ADAMTSL3: variants seen among roughly 807,000 people sequenced by gnomAD.
ADAMTSL3 encodes the protein ADAMTS-like protein 3.
In ADAMTSL3, 128 loss-of-function variants were observed where a neutral mutation model predicts 201.7. The ratio of observed to expected loss-of-function variants is 0.63; its 90% CI spans 0.55 to 0.73. ADAMTSL3 has a LOEUF of 0.73. Among genes scored for constraint, ADAMTSL3 ranks in the 30% least tolerant of loss-of-function variants. The pLI, the probability that ADAMTSL3 is intolerant of heterozygous loss-of-function variation, is 0.00. For missense variants in ADAMTSL3, 1,990 were observed against 2,119.6 expected (o/e 0.94, Z 1.20); for synonymous variants, 738 against 748.4 (o/e 0.99, Z 0.23).
rs190722805 is a variant in ADAMTSL3, at chr15:84,039,351, C to T, written c.*1545C>T. 723 of 152,736 alleles carry T rather than the reference C, an allele frequency of 4.7e-3. 7 individuals carry two copies. Among genetic ancestry groups the T allele is most frequent in the Non-Finnish European group, 4.3e-3 (294 of 68,060 alleles). The allele number at this position is 152,736 out of a possible 1,614,324, so 9.5% of individuals were successfully genotyped here. A position where few individuals can be genotyped will look rare whatever the true frequency, so the allele number is the denominator to read the frequency against. On this transcript the variant is annotated 3_prime_UTR_variant, in exon 30 of 30. Transcript: ENST00000286744. ...GTTTCTCTACCATATTCTGAGCACA[C>T]GGTCTCTTTTGTTCTAACTTCAGCT...
At chr15:83,879,669 A>G (rs553813526) in intron 9 of ADAMTSL3, among the ~76,000 whole-genome samples, 1 of 152,328 alleles carries the variant, frequency 6.6e-6, no homozygotes, top group East Asian at 1.9e-4. Context: ...AGAATATAAC[A>G]AAGTTTGGGA....
chr15:84,019,076 T>TACACAC (rs71453219), intron 25 of ADAMTSL3, among the ~76,000 whole-genome samples: 31,052 of 138,946 alleles, frequency 0.22, 3,593 homozygotes, highest in African/African-American at 0.26. Context: ...CACACACACA[T>TACACAC]ACACACACAC....
At position 83,734,864 on chromosome 15, in the gene ADAMTSL3, G is replaced by A. The variant is rs552799171; in HGVS notation, c.189+30356G>A. Among the ~76,000 whole-genome samples the A allele has an allele frequency of 3.9e-5, 6 of 152,232 alleles. No homozygotes were observed. The South Asian group carries it at 1.2e-3, about 32-fold the overall frequency. ...TCTCCTCTGCTAGTGGGGAGGGCTAGTGGGGAGGGCTGGGGTTCTCATGTT... is the reference window on the plus strand; with the variant it reads ...TCTCCTCTGCTAGTGGGGAGGGCTAATGGGGAGGGCTGGGGTTCTCATGTT... On this transcript the variant is annotated intron_variant, in intron 3 of 29. Transcript: ENST00000286744.
chr15:83,833,232 A>G (rs2064192822), intron 6 of ADAMTSL3, among the ~76,000 whole-genome samples: 1 of 152,112 alleles, frequency 6.6e-6, no homozygotes, highest in Non-Finnish European at 1.5e-5. Context: ...ATTGGGTGGC[A>G]TATTAACAAC....
intron 2 of ADAMTSL3, among the ~76,000 whole-genome samples, chr15:83,665,896 A>G (rs1010769632): frequency 2.6e-5 from 4 of 152,196 alleles, no homozygotes; most frequent in African/African-American, 7.2e-5. Flanking sequence ...AAGAGTAACT[A>G]TTTTACTAAT....
At chr15:83,749,059 G>A (rs1322205914) in intron 3 of ADAMTSL3, among the ~76,000 whole-genome samples, 7 of 152,232 alleles carry the variant, frequency 4.6e-5, no homozygotes, top group South Asian at 2.1e-4. Context: ...AGAAAGCCTT[G>A]GCACAGCCCA....
intron 5 of ADAMTSL3, among the ~76,000 whole-genome samples, chr15:83,805,839 T>A (rs528372279): frequency 6.6e-6 from 1 of 152,320 alleles, no homozygotes; most frequent in African/African-American, 2.4e-5. Context: ...CGAAGTACTC[T>A]GCCTCTACTA....
intron 23 of ADAMTSL3, among the ~76,000 whole-genome samples, chr15:83,992,144 A>G (rs2067592313): frequency 6.6e-6 from 1 of 152,132 alleles, no homozygotes; most frequent in Non-Finnish European, 1.5e-5. Context: ...CTGATTGCCT[A>G]GGGTGACAGA....
chr15:83,988,867 TTTTATTTA>T, intron 22 of ADAMTSL3, 49 bp downstream of exon 22: 3 of 1,048,486 alleles, frequency 2.9e-6, no homozygotes, highest in South Asian at 3.3e-5. Context: ...TATTTTTTAT[TTTTATTTA>T]TTTATTTATT....
In ADAMTSL3 at chr15:84,039,447, G is replaced by T. The variant is rs1209017074; in HGVS notation, c.*1641G>T. On this transcript the variant is annotated 3_prime_UTR_variant, in exon 30 of 30. Transcript: ENST00000286744. ...ATTGGGAATGGATGGGGGACAGTGA[G>T]GAGGACACACCAGCCCATTAGTTGT... 1 of 152,596 alleles carries T rather than the reference G, an allele frequency of 6.6e-6. No individual in the cohort carries two copies. Among genetic ancestry groups the T allele is most frequent in the African/African-American group, 2.4e-5 (1 of 41,430 alleles). 9.5% of individuals were successfully genotyped at this position (152,596 alleles called of 1,614,324 possible). A position where few individuals can be genotyped will look rare whatever the true frequency, so the allele number is the denominator to read the frequency against.
At chr15:84,017,412 C>T (rs771862219) in intron 25 of ADAMTSL3, among the ~76,000 whole-genome samples, 3 of 152,202 alleles carry the variant, frequency 2.0e-5, no homozygotes, top group African/African-American at 4.8e-5. Flanking sequence ...CCACTGTGCC[C>T]GGCCACAAAG....
At chr15:83,755,722 A>C (rs1191257676) in intron 3 of ADAMTSL3, among the ~76,000 whole-genome samples, 1 of 151,542 alleles carries the variant, frequency 6.6e-6, no homozygotes, top group African/African-American at 2.4e-5. Context: ...CTGTTATAAC[A>C]GAGTGGTACA....
chr15:83,697,888 G>C (rs903716612), intron 2 of ADAMTSL3, among the ~76,000 whole-genome samples: 1 of 152,088 alleles, frequency 6.6e-6, no homozygotes, highest in Admixed American at 6.5e-5. Context: ...TCACTTGATT[G>C]GTTCCCCTGG....
chr15:83,688,465 G>A (rs2061566155), intron 2 of ADAMTSL3, among the ~76,000 whole-genome samples: 1 of 151,702 alleles, frequency 6.6e-6, no homozygotes, highest in Admixed American at 6.6e-5. Flanking sequence ...AAAAACTCCA[G>A]ATGAAAGAAA....
chr15:83,821,849 G>A (rs1369489420), intron 6 of ADAMTSL3, among the ~76,000 whole-genome samples: 3 of 150,964 alleles, frequency 2.0e-5, no homozygotes, highest in African/African-American at 4.9e-5. Flanking sequence ...CCTCCCGGAC[G>A]GGGCGGCTGG....
chr15:83,838,655 A>C (rs985236901), intron 7 of ADAMTSL3, among the ~76,000 whole-genome samples: 22 of 152,202 alleles, frequency 1.4e-4, no homozygotes, highest in African/African-American at 5.3e-4. Flanking sequence ...AGAGCTTTTA[A>C]TATATCACCA....
chr15:83,976,933 GA>G (rs1445022245), intron 20 of ADAMTSL3, among the ~76,000 whole-genome samples: 2 of 152,086 alleles, frequency 1.3e-5, no homozygotes. Context: ...ATAAGAAGAG[GA>G]GAATAATTGG....
At chr15:83,712,480 G>T (rs2061946269) in intron 3 of ADAMTSL3, among the ~76,000 whole-genome samples, 1 of 152,162 alleles carries the variant, frequency 6.6e-6, no homozygotes, top group African/African-American at 2.4e-5. Context: ...CTACTTCCTG[G>T]CTAGTCCTCT....
intron 19 of ADAMTSL3, among the ~76,000 whole-genome samples, chr15:83,943,956 A>C (rs1172223796): frequency 7.4e-6 from 1 of 135,984 alleles, no homozygotes; most frequent in Non-Finnish European, 1.5e-5. Flanking sequence ...TGAATTTTAT[A>C]TATCCTATGT....
Sources: allele counts gnomAD v4.1 joint callset (sites outside exome capture counted in the v4.1 genomes callset), GRCh38; gene constraint gnomAD v4.1.1; transcripts MANE v1.5; gene names NCBI Gene and HGNC (gene_info 2026-07-23, HGNC 2026-07-21).